The following ROBO2 variants were observed in gnomAD, a reference collection of about 807,000 sequenced individuals.
ROBO2 encodes the protein roundabout guidance receptor 2, also known as roundabout homolog 2.
Under a neutral mutation model 160.8 loss-of-function variants are expected in ROBO2, and 53 were observed. That is an observed-to-expected ratio of 0.33 (90% CI 0.26 to 0.41). The LOEUF (loss-of-function observed/expected upper bound fraction) is 0.41. Among genes scored for constraint, ROBO2 ranks in the 10% least tolerant of loss-of-function variants. ROBO2 has a pLI of 1.00. For missense variants in ROBO2, 1,577 were observed against 1,722.4 expected (o/e 0.92, Z 1.49); for synonymous variants, 664 against 611.7 (o/e 1.09, Z -1.26).
chr3:76,801,240 A>G (rs542351413), intron 2 of ROBO2, among the ~76,000 whole-genome samples: 6 of 152,306 alleles, frequency 3.9e-5, no homozygotes, highest in African/African-American at 1.4e-4. Context: ...GTAGAGTAGT[A>G]TGACAGTTAC....
intron 2 of ROBO2, among the ~76,000 whole-genome samples, chr3:76,385,397 C>T (rs1342699022): frequency 2.6e-5 from 4 of 152,140 alleles, no homozygotes; most frequent in East Asian, 1.9e-4. Context: ...ACCTGAAAAA[C>T]GAACCCATAT....
chr3:77,317,195 T>C, intron 2 of ROBO2: 2 of 857,278 alleles, frequency 2.3e-6, no homozygotes, highest in South Asian at 2.7e-5. Flanking sequence ...GCACCCCGGA[T>C]GGAAGGCCCA....
intron 19 of ROBO2, among the ~76,000 whole-genome samples, chr3:77,597,550 G>A (rs1277231371): frequency 1.3e-5 from 2 of 152,110 alleles, no homozygotes; most frequent in Admixed American, 6.6e-5. Context: ...AGGTTCATGT[G>A]AGTTTTCCGT....
At chr3:75,907,113 G>A (rs1226952509) in intron 1 of ROBO2, among the ~76,000 whole-genome samples, 1 of 152,168 alleles carries the variant, frequency 6.6e-6, no homozygotes, top group East Asian at 1.9e-4. Context: ...GGGGCGGAGG[G>A]TCGGTGGGTG....
intron 2 of ROBO2, among the ~76,000 whole-genome samples, chr3:77,192,645 A>G (rs1410614503): frequency 7.2e-6 from 1 of 139,374 alleles, no homozygotes; most frequent in East Asian, 2.1e-4. Flanking sequence ...GAACAAACAC[A>G]ATTCCTTTTT....
intron 2 of ROBO2, among the ~76,000 whole-genome samples, chr3:76,603,582 G>T (rs1157514294): frequency 2.0e-5 from 3 of 151,090 alleles, no homozygotes; most frequent in Non-Finnish European, 4.4e-5. Flanking sequence ...ATGGCTTGAA[G>T]TTTTTTTTCC....
At chr3:75,969,913 T>G (rs536283730) in intron 2 of ROBO2, among the ~76,000 whole-genome samples, 1 of 151,714 alleles carries the variant, frequency 6.6e-6, no homozygotes, top group South Asian at 2.1e-4. Context: ...TTATTTTTGC[T>G]TTTGTTGCCT....
intron 2 of ROBO2, among the ~76,000 whole-genome samples, chr3:76,773,286 CTG>C (rs1411671070): frequency 2.1e-5 from 3 of 144,286 alleles, no homozygotes; most frequent in Non-Finnish European, 4.7e-5. Flanking sequence ...TATATTTATT[CTG>C]TTTTTTTTAA....
intron 2 of ROBO2, among the ~76,000 whole-genome samples, chr3:77,137,070 C>T (rs1560088508): frequency 6.6e-6 from 1 of 152,210 alleles, no homozygotes; most frequent in Admixed American, 6.5e-5. Context: ...GGGTGTGAGC[C>T]TCTGCATCCA....
intron 1 of ROBO2, among the ~76,000 whole-genome samples, chr3:77,068,056 G>T (rs900270892): frequency 6.6e-6 from 1 of 151,872 alleles, no homozygotes; most frequent in Non-Finnish European, 1.5e-5. Flanking sequence ...TACATTTTTA[G>T]TTCTCAAAAT....
chr3:76,862,049 C>G (rs559095198), intron 2 of ROBO2, among the ~76,000 whole-genome samples: 2 of 151,038 alleles, frequency 1.3e-5, no homozygotes, highest in East Asian at 3.9e-4. Context: ...TGGCTGTAGT[C>G]CAAAAGTTCA....
intron 2 of ROBO2, among the ~76,000 whole-genome samples, chr3:75,983,186 G>GT (rs921802161): frequency 6.6e-6 from 1 of 151,464 alleles, no homozygotes; most frequent in African/African-American, 2.4e-5. Flanking sequence ...AAAGTGCAAT[G>GT]TTTTACTTCA....
At chr3:76,978,826 A>G (rs768298683) in intron 2 of ROBO2, among the ~76,000 whole-genome samples, 1 of 151,982 alleles carries the variant, frequency 6.6e-6, no homozygotes, top group Non-Finnish European at 1.5e-5. Flanking sequence ...AAGACAGAGA[A>G]GATATTTCAG....
At chr3:77,567,232 A>T (rs2093510381) in intron 12 of ROBO2, among the ~76,000 whole-genome samples, 1 of 152,076 alleles carries the variant, frequency 6.6e-6, no homozygotes, top group Non-Finnish European at 1.5e-5. Context: ...CATGCATTGT[A>T]GCCTGAGATA....
At chr3:76,477,662 T>A (rs1243633787) in intron 2 of ROBO2, among the ~76,000 whole-genome samples, 4 of 152,134 alleles carry the variant, frequency 2.6e-5, no homozygotes, top group African/African-American at 9.7e-5. Flanking sequence ...ATTTTTATTT[T>A]AAAATTGACA....
chr3:76,274,940 A>G (rs1443535707), intron 2 of ROBO2, among the ~76,000 whole-genome samples: 3 of 152,184 alleles, frequency 2.0e-5, no homozygotes, highest in Non-Finnish European at 4.4e-5. Flanking sequence ...TTCAGTGAAT[A>G]TAATATTTTA....
At chr3:76,306,046 C>T (rs769550230) in intron 2 of ROBO2, among the ~76,000 whole-genome samples, 3 of 152,100 alleles carry the variant, frequency 2.0e-5, no homozygotes, top group Admixed American at 6.5e-5. Flanking sequence ...TTCAACCTTG[C>T]TGTGACAGCC....
intron 2 of ROBO2, among the ~76,000 whole-genome samples, chr3:76,288,541 A>G (rs546968252): frequency 6.9e-4 from 104 of 151,332 alleles, no homozygotes; most frequent in Non-Finnish European, 1.3e-3. Flanking sequence ...GGCATGTTAC[A>G]TAGATAAATT....
chr3:76,537,823 T>G (rs1277786247), intron 2 of ROBO2, among the ~76,000 whole-genome samples: 3 of 151,926 alleles, frequency 2.0e-5, no homozygotes, highest in Non-Finnish European at 4.4e-5. Flanking sequence ...AGGGCTCGGG[T>G]AGGCAGTAGA....
Sources: gnomAD v4.1 joint callset for allele counts (sites outside exome capture counted in the v4.1 genomes callset) on GRCh38, gnomAD v4.1.1 for gene constraint, MANE v1.5 for transcripts, NCBI Gene and HGNC (gene_info 2026-07-23, HGNC 2026-07-21) for gene names.